The following NAA25 variants were observed in gnomAD, a reference collection of about 807,000 sequenced individuals.
The protein encoded by NAA25 is N-terminal acetyltransferase B complex subunit NAA25.
NAA25 carries 30 observed loss-of-function variants against 132.5 expected under a neutral mutation model. That is an observed-to-expected ratio of 0.23 (90% CI 0.17 to 0.31). NAA25 has a LOEUF of 0.31. Ranked by LOEUF, NAA25 falls within the 10% of genes least tolerant of loss-of-function variation. The pLI is 1.00. For synonymous variants in NAA25, 359 were observed against 401.9 expected, an observed-to-expected ratio of 0.89 and a Z score of 1.28; for missense variants, 771 against 1,150.4, an observed-to-expected ratio of 0.67 and a Z score of 4.77.
intron 6 of NAA25, 129 bp from the exon 7 acceptor site, chr12:112,078,395 G>T: frequency 1.4e-6 from 1 of 729,766 alleles, no homozygotes; most frequent in Non-Finnish European, 2.3e-6. Context: ...ACAGTACGAA[G>T]CAGGTAACAG....
At chr12:112,105,410 ACCAAAT>A (rs2079348512) in intron 1 of NAA25, among the ~76,000 whole-genome samples, 1 of 152,220 alleles carries the variant, frequency 6.6e-6, no homozygotes, top group Non-Finnish European at 1.5e-5. Context: ...GCAAAAGGAG[ACCAAAT>A]AATCAAGTAT....
Position 112,049,442 on chromosome 12 carries a change from A to C in NAA25, c.1729-999T>G. 3 of 985,692 alleles carry C rather than the reference A, an allele frequency of 3.0e-6. No homozygotes were observed. The highest frequency in any genetic ancestry group is 3.6e-6 in the Non-Finnish European group (3 of 829,782). The allele number at this position is 985,692 out of a possible 1,614,324, so 61.1% of individuals were successfully genotyped here. On this transcript the variant is annotated intron_variant, in intron 15 of 23. Coordinates refer to ENST00000261745, the MANE Select transcript of NAA25 (RefSeq NM_024953.4). The surrounding 1 kb of genome is among the most constrained non-coding windows in gnomAD (Gnocchi z 4.7). ...CCCCCATCTCCATTACGTCTGAATA[A>C]TTTGCCCAGTAGGAAAATAGGCCAA...
At chr12:112,079,116 A>G (rs1036865197) in intron 5 of NAA25, among the ~76,000 whole-genome samples, 20 of 152,290 alleles carry the variant, frequency 1.3e-4, no homozygotes, top group Admixed American at 7.2e-4. Flanking sequence ...CACATACTAG[A>G]AGAGAAATGC....
Position 112,033,021 on chromosome 12 carries a change from A to C in NAA25, c.2796+212T>G, listed in dbSNP as rs149900628. 2.2e-3 allele frequency among the ~76,000 whole-genome samples: 341 copies of C among 152,330 alleles called. 3 individuals carry two copies. The highest frequency in any genetic ancestry group is 6.5e-3 in the African/African-American group (271 of 41,564). The stretch of plus-strand genomic sequence containing the variant: ...AAAGAACAACCCCAAAAATGCATAG[A>C]AAGGAGGACGTATGGGGAGAAATGA... On this transcript the variant is annotated intron_variant, in intron 23 of 23. Coordinates refer to ENST00000261745, the MANE Select transcript of NAA25 (RefSeq NM_024953.4).
intron 7 of NAA25, 53 bp downstream of exon 7, chr12:112,078,135 T>C: frequency 7.8e-7 from 1 of 1,274,748 alleles, no homozygotes; most frequent in Non-Finnish European, 1.1e-6. Flanking sequence ...ATAAACATTT[T>C]TCATGTTTAA....
chr12:112,056,608 A>G (rs2078550378), intron 13 of NAA25, among the ~76,000 whole-genome samples: 1 of 152,172 alleles, frequency 6.6e-6, no homozygotes, highest in Non-Finnish European at 1.5e-5. Context: ...AAAACACTCA[A>G]TCCTTTTGAA....
At chr12:112,072,548 G>A (rs1207359970) in intron 9 of NAA25, among the ~76,000 whole-genome samples, 5 of 150,780 alleles carry the variant, frequency 3.3e-5, no homozygotes, top group African/African-American at 1.2e-4. Flanking sequence ...GGGAGAGGTT[G>A]CAGTGAGCTG....
chr12:112,029,419 T>C lies in NAA25; in HGVS notation c.*112A>G. On this transcript the variant is annotated 3_prime_UTR_variant, in exon 24 of 24. Transcript: ENST00000261745. ...ATTCACGATCAAAGTCCTTCATGCA[T>C]TTTATGAGGAAGTTCTGGATTAAAA... The C allele has an allele frequency of 3.3e-6, 5 of 1,530,210 alleles. No individual in the cohort carries two copies. Among genetic ancestry groups the C allele is most frequent in the Non-Finnish European group, 4.4e-6 (5 of 1,131,830 alleles). 94.8% of individuals were successfully genotyped at this position (1,530,210 alleles called of 1,614,324 possible). A position where few individuals can be genotyped will look rare whatever the true frequency, so the allele number is the denominator to read the frequency against.
intron 5 of NAA25, among the ~76,000 whole-genome samples, chr12:112,079,966 A>C (rs1266155253): frequency 6.6e-6 from 1 of 152,054 alleles, no homozygotes; most frequent in Non-Finnish European, 1.5e-5. Flanking sequence ...CCCACAAATA[A>C]ACTGATATAC....
At chr12:112,066,218 T>C (rs954170172) in intron 11 of NAA25, among the ~76,000 whole-genome samples, 3 of 152,180 alleles carry the variant, frequency 2.0e-5, no homozygotes, top group Admixed American at 2.0e-4. Context: ...CATCTAAAAG[T>C]AGCAAAGTGT....
chr12:112,102,907 C>G (rs936540651), intron 1 of NAA25, among the ~76,000 whole-genome samples: 2 of 152,126 alleles, frequency 1.3e-5, no homozygotes, highest in Admixed American at 6.6e-5. Context: ...TGAGACTCGT[C>G]TCAAACTCTT....
At chr12:112,058,695 G>A (rs1392139642) in intron 13 of NAA25, among the ~76,000 whole-genome samples, 4 of 152,152 alleles carry the variant, frequency 2.6e-5, no homozygotes, top group Admixed American at 1.3e-4. Context: ...AGGCCGCGGC[G>A]GGTGGATCAC....
chr12:112,036,309 A>C (rs777263763), intron 22 of NAA25, among the ~76,000 whole-genome samples: 6 of 152,236 alleles, frequency 3.9e-5, no homozygotes, highest in Admixed American at 6.5e-5. Flanking sequence ...CTAAGGACAA[A>C]AAGAATTGCA....
At chr12:112,108,651 T>G in intron 1 of NAA25, 65 bp downstream of exon 1, 1 of 1,369,464 alleles carries the variant, frequency 7.3e-7, no homozygotes, top group Non-Finnish European at 9.5e-7. Context: ...CTCCTGGGCT[T>G]TCGCCCCAGC....
chr12:112,075,563 T>G lies in NAA25; in HGVS notation c.776+115A>C, dbSNP rs1188820998. On this transcript the variant is annotated intron_variant, in intron 8 of 23. Transcript: ENST00000261745. ...CTTTTAGAAACATGCAGGACACAAC[T>G]ACTATAAGAAGACTTTATGCCCAGA... is the stretch of plus-strand genomic sequence containing the variant. 4 of 762,528 alleles carry G rather than the reference T, an allele frequency of 5.2e-6. No homozygotes were observed. In the African/African-American group the frequency reaches 7.0e-5, roughly 13 times the overall value. 47.2% of individuals were successfully genotyped at this position (762,528 alleles called of 1,614,324 possible).
At chr12:112,094,240 CA>C (rs199734463) in intron 1 of NAA25, among the ~76,000 whole-genome samples, 6,985 of 69,218 alleles carry the variant, frequency 0.1, 234 homozygotes, top group African/African-American at 0.27. Context: ...GACTCTGTCT[CA>C]AAAAAAAAAA....
chr12:112,033,495 G>T, intron 22 of NAA25, 116 bp from the exon 23 acceptor site: 2 of 927,778 alleles, frequency 2.2e-6, no homozygotes, highest in Non-Finnish European at 3.1e-6. Context: ...CAAACCAGTG[G>T]TTTCAAGTGA....
At chr12:112,108,650 T>G in intron 1 of NAA25, 66 bp downstream of exon 1, 1 of 1,369,056 alleles carries the variant, frequency 7.3e-7, no homozygotes, top group Non-Finnish European at 9.5e-7. Context: ...CCTCCTGGGC[T>G]TTCGCCCCAG....
chr12:112,076,224 C>G (rs553182056), intron 7 of NAA25, among the ~76,000 whole-genome samples: 1 of 152,130 alleles, frequency 6.6e-6, no homozygotes, highest in Admixed American at 6.6e-5. Flanking sequence ...GAAAATGGGA[C>G]CACTATTACA....
Sources: gnomAD v4.1 joint callset for allele counts (sites outside exome capture counted in the v4.1 genomes callset) on GRCh38, gnomAD v4.1.1 for gene constraint, Gnocchi (gnomAD v3.1) non-coding constraint, MANE v1.5 for transcripts, NCBI Gene and HGNC (gene_info 2026-07-23, HGNC 2026-07-21) for gene names.